The following METTL15 variants were observed in gnomAD, a reference collection of about 807,000 sequenced individuals.
METTL15 encodes the protein methyltransferase 15, mitochondrial 12S rRNA N4-cytidine, also known as 12S rRNA N(4)-cytidine methyltransferase METTL15.
A neutral mutation model predicts 38.3 loss-of-function variants in METTL15; 34 were observed. The observed-to-expected ratio is 0.89, with a 90% CI of 0.68 to 1.18. METTL15 has a LOEUF of 1.18. Among genes scored for constraint, METTL15 ranks in the 50% most tolerant of loss-of-function variants. The pLI, the probability that METTL15 is intolerant of heterozygous loss-of-function variation, is 0.00. For synonymous variants in METTL15, 162 were observed against 170.9 expected (o/e 0.95, Z 0.41); for missense variants, 438 against 498.4 (o/e 0.88, Z 1.15).
chr11:28,120,052 C>T (rs1852150572), intron 3 of METTL15, among the ~76,000 whole-genome samples: 1 of 152,066 alleles, frequency 6.6e-6, no homozygotes, highest in Non-Finnish European at 1.5e-5. Flanking sequence ...CTTGAGTTCA[C>T]ACCATTCTCC....
chr11:28,361,376 A>G (rs556731051), intron 4 of METTL15, among the ~76,000 whole-genome samples: 342 of 152,104 alleles, frequency 2.2e-3, no homozygotes, highest in Middle Eastern at 0.01. Context: ...ATGGTATCTC[A>G]TTGTGGTTTT....
At chr11:28,226,153 C>G (rs1853468044) in intron 4 of METTL15, among the ~76,000 whole-genome samples, 1 of 151,874 alleles carries the variant, frequency 6.6e-6, no homozygotes, top group Non-Finnish European at 1.5e-5. Flanking sequence ...ATACATCAAG[C>G]AATAGGTTCC....
chr11:28,506,189 C>G (rs1474874448), intron 6 of METTL15, among the ~76,000 whole-genome samples: 2 of 152,204 alleles, frequency 1.3e-5, no homozygotes, highest in Non-Finnish European at 2.9e-5. Flanking sequence ...GACGTAGGGT[C>G]TCTCTCCCTG....
chr11:28,117,235 A>T (rs5017285), intron 3 of METTL15, among the ~76,000 whole-genome samples: 14 of 117,096 alleles, frequency 1.2e-4, no homozygotes, highest in African/African-American at 3.8e-4. Context: ...CTATATATGT[A>T]TGTGTGTGTG....
intron 6 of METTL15, among the ~76,000 whole-genome samples, chr11:28,470,660 TATTA>T (rs1455350443): frequency 4.6e-5 from 7 of 152,138 alleles, no homozygotes; most frequent in Non-Finnish European, 1.0e-4. Context: ...GAAATGGCCT[TATTA>T]TTTAAGCCAT....
At chr11:28,259,076 C>A (rs1321872868) in intron 4 of METTL15, among the ~76,000 whole-genome samples, 1 of 152,074 alleles carries the variant, frequency 6.6e-6, no homozygotes, top group African/African-American at 2.4e-5. Flanking sequence ...GGACCAGTGG[C>A]TCTCCAGTTA....
chr11:28,210,184 C>T (rs890269153), intron 3 of METTL15, among the ~76,000 whole-genome samples: 2 of 151,944 alleles, frequency 1.3e-5, no homozygotes, highest in Non-Finnish European at 2.9e-5. Context: ...TTCAATTAAC[C>T]ATACTGTATA....
chr11:28,280,153 T>C (rs1855999496), intron 4 of METTL15, among the ~76,000 whole-genome samples: 1 of 152,094 alleles, frequency 6.6e-6, no homozygotes, highest in Non-Finnish European at 1.5e-5. Flanking sequence ...TTTTTTCCCA[T>C]TTTTTCCCAT....
At chr11:28,236,507 G>T (rs1488437171) in intron 4 of METTL15, among the ~76,000 whole-genome samples, 1 of 152,188 alleles carries the variant, frequency 6.6e-6, no homozygotes, top group Non-Finnish European at 1.5e-5. Flanking sequence ...TCTATTCAGA[G>T]ATTCAACTTC....
In METTL15 at chr11:28,494,845, A is replaced by G. The variant is rs1851523729; in HGVS notation, c.*425-31633A>G. Among the ~76,000 whole-genome samples, 6 of 152,194 alleles carry G rather than the reference A, an allele frequency of 3.9e-5. No individual in the cohort carries two copies. In the South Asian group the frequency reaches 1.2e-3, roughly 31 times the overall value. On this transcript the variant is annotated intron_variant and NMD_transcript_variant, in intron 6 of 7. Coordinates refer to the METTL15 transcript ENST00000532947. Reference sequence around the variant, plus strand: ...TTGTGAGGCCTCCCCAGCCATGTAGAACTGGGAGTCAATTAAGCCTATTTC... The same window carrying G: ...TTGTGAGGCCTCCCCAGCCATGTAGGACTGGGAGTCAATTAAGCCTATTTC...
chr11:28,130,129 G>C (rs1046174764), intron 3 of METTL15, among the ~76,000 whole-genome samples: 7 of 152,090 alleles, frequency 4.6e-5, no homozygotes, highest in African/African-American at 1.7e-4. Flanking sequence ...GGGCAAGGTG[G>C]TGAGACCCCC....
At chr11:28,322,884 A>C (rs1310050063) in intron 6 of METTL15, among the ~76,000 whole-genome samples, 1 of 152,200 alleles carries the variant, frequency 6.6e-6, no homozygotes, top group African/African-American at 2.4e-5. Context: ...TTGTGTTTCC[A>C]GTTGGCTGGT....
intron 4 of METTL15, among the ~76,000 whole-genome samples, chr11:28,284,369 T>C (rs564112302): frequency 1.3e-5 from 2 of 152,252 alleles, no homozygotes; most frequent in South Asian, 4.1e-4. Flanking sequence ...CTCTATAAGA[T>C]CTTATGTTTA....
chr11:28,410,464 A>G (rs1197498216), intron 5 of METTL15, among the ~76,000 whole-genome samples: 5 of 152,176 alleles, frequency 3.3e-5, no homozygotes, highest in African/African-American at 1.2e-4. Flanking sequence ...AGACTGATTT[A>G]ACATATGCAA....
intron 6 of METTL15, among the ~76,000 whole-genome samples, chr11:28,479,662 G>A (rs144399168): frequency 1.0e-3 from 153 of 152,178 alleles, no homozygotes; most frequent in Non-Finnish European, 1.6e-3. Flanking sequence ...TGGCCTTTGA[G>A]TATTCTCTTT....
intron 6 of METTL15, among the ~76,000 whole-genome samples, chr11:28,516,209 G>T (rs1390591724): frequency 6.6e-6 from 1 of 152,188 alleles, no homozygotes; most frequent in Non-Finnish European, 1.5e-5. Context: ...GCTGGTTGGG[G>T]AAAGGAATCT....
chr11:28,370,209 C>T (rs1487088938), intron 5 of METTL15, among the ~76,000 whole-genome samples: 2 of 151,948 alleles, frequency 1.3e-5, no homozygotes, highest in African/African-American at 4.8e-5. Flanking sequence ...CACACTTCAT[C>T]CCCCCATCTC....
At chr11:28,335,962 A>G (rs1382606925), downstream of METTL15, among the ~76,000 whole-genome samples, 3 of 152,226 alleles carry the variant, frequency 2.0e-5, no homozygotes, top group Non-Finnish European at 2.9e-5. Flanking sequence ...CTGGACGTAT[A>G]GTAAACACTC....
intron 5 of METTL15, among the ~76,000 whole-genome samples, chr11:28,410,092 A>G (rs551446568): frequency 4.5e-4 from 68 of 152,200 alleles, no homozygotes; most frequent in Non-Finnish European, 9.0e-4. Context: ...GAACATATCA[A>G]TAACAAATAA....
Sources: allele counts gnomAD v4.1 joint callset (sites outside exome capture counted in the v4.1 genomes callset), GRCh38; gene constraint gnomAD v4.1.1; transcripts MANE v1.5; gene names NCBI Gene and HGNC (gene_info 2026-07-23, HGNC 2026-07-21).